The following ATP13A5 variants were observed in gnomAD, a reference collection of about 807,000 sequenced individuals.
The protein encoded by ATP13A5 is ATPase 13A5.
Under a neutral mutation model 150.2 loss-of-function variants are expected in ATP13A5, and 149 were observed. The observed-to-expected ratio is 0.99, with a 90% CI of 0.87 to 1.14. The LOEUF (loss-of-function observed/expected upper bound fraction) is 1.14. ATP13A5 is among the 50% of genes most tolerant of loss of function. ATP13A5 has a pLI of 0.00. For missense variants in ATP13A5, 1,383 were observed against 1,449.3 expected (o/e 0.95, Z 0.74); for synonymous variants, 497 against 522.2 (o/e 0.95, Z 0.66).
At position 193,362,466 on chromosome 3, in the gene ATP13A5, G is replaced by A. The variant is rs781456594; in HGVS notation, c.456-5C>T. On this transcript the variant is annotated splice_polypyrimidine_tract_variant and splice_region_variant and intron_variant, in intron 4 of 29. Transcript: ENST00000342358. The stretch of plus-strand genomic sequence containing the variant: ...GAATTGCTGTCTTCTAGCAACCTAG[G>A]ATGTATTCAGGATAGGAACCACACT... The A allele has an allele frequency of 6.2e-7, 1 of 1,614,026 alleles. No individual in the cohort carries two copies. The highest frequency in any genetic ancestry group is 8.5e-7 in the Non-Finnish European group (1 of 1,179,898).
At chr3:193,280,015 CTG>C (rs1434262293) in intron 27 of ATP13A5, among the ~76,000 whole-genome samples, 1 of 127,092 alleles carries the variant, frequency 7.9e-6, no homozygotes, top group Non-Finnish European at 1.6e-5. Context: ...CCCTGTGTAC[CTG>C]TGTACATAAT....
At position 193,364,270 on chromosome 3, in the gene ATP13A5, C is replaced by A; in HGVS notation, c.74G>T (p.Gly25Val). 6.2e-7 allele frequency: 1 copy of A among 1,613,016 alleles called. No homozygotes were observed. The highest frequency in any genetic ancestry group is 8.5e-7 in the Non-Finnish European group (1 of 1,179,504). ...TTTCCGTACATTGTGGTCCCGGTAA[C>A]CAAACACCTCCTGGAGAATAAATTT... ...QGEEDELEVF[G>V]YRDHNVRKAF... is the part of the protein sequence containing the mutation. The change falls in exon 2 of 30, where the codon GGT becomes GTT. Residue 25 changes from glycine (G) to valine (V), a missense_variant. Around this residue, in one of 3 missense-constraint regions of ATP13A5, gnomAD observed 787 missense variants for 771.9 expected, o/e 1.02. Coordinates refer to ENST00000342358, the MANE Select transcript of ATP13A5 (RefSeq NM_198505.4).
At position 193,344,997 on chromosome 3, in the gene ATP13A5, A is replaced by ACTTAC; in HGVS notation, c.814+1_814+5dup. The ACTTAC allele has an allele frequency of 1.2e-6, 2 of 1,612,060 alleles. No homozygotes were observed. Among genetic ancestry groups the ACTTAC allele is most frequent in the Non-Finnish European group, 1.7e-6 (2 of 1,178,250 alleles). ...GATGCTGAAGATGGCCTAACACATC[A>ACTTAC]CTTACCTTTGTCTTTTACAATGATT... On this transcript the variant is annotated splice_donor_region_variant and intron_variant, in intron 8 of 29. Transcript: ENST00000342358.
intron 27 of ATP13A5, among the ~76,000 whole-genome samples, chr3:193,282,271 T>A (rs576227571): frequency 2.0e-5 from 3 of 152,330 alleles, no homozygotes; most frequent in Admixed American, 2.0e-4. Context: ...TAAAAATTAT[T>A]CATGTATAAC....
intron 9 of ATP13A5, among the ~76,000 whole-genome samples, chr3:193,341,312 C>T (rs1712119369): frequency 6.6e-6 from 1 of 152,070 alleles, no homozygotes; most frequent in Admixed American, 6.6e-5. Context: ...TTTTTGAAGT[C>T]CTTCATGAGT....
chr3:193,275,066 T>C lies in ATP13A5; in HGVS notation c.3633A>G (p.Glu1211=), dbSNP rs201842085. 6.2e-7 allele frequency: 1 copy of C among 1,614,188 alleles called. No homozygotes were observed. The highest frequency in any genetic ancestry group is 1.3e-5 in the African/African-American group (1 of 75,040). ...ATTACAGCCTGGCCCAGAAATGCTG[T>C]TCTGTGGGTTGGCCTCCCAATTTGA... ...RKLKLGGQPT[E]QHFWARL is the part of the protein sequence containing the mutation. Residue 1211 remains glutamate (E), a synonymous_variant, in exon 30 of 30, where the codon GAA becomes GAG. Transcript: ENST00000342358.
At chr3:193,376,977 G>C (rs1366752569) in intron 1 of ATP13A5, among the ~76,000 whole-genome samples, 1 of 152,142 alleles carries the variant, frequency 6.6e-6, no homozygotes, top group Non-Finnish European at 1.5e-5. Flanking sequence ...ATTCCTAATA[G>C]ACATTTCTGG....
intron 7 of ATP13A5, 115 bp from the exon 8 acceptor site, chr3:193,345,190 G>C (rs1712289218): frequency 3.2e-6 from 3 of 949,378 alleles, no homozygotes; most frequent in Non-Finnish European, 5.0e-6. Context: ...TCTGGGCAAA[G>C]GACTCAACTT....
chr3:193,335,457 T>A (rs956532452), intron 9 of ATP13A5, among the ~76,000 whole-genome samples: 1 of 152,190 alleles, frequency 6.6e-6, no homozygotes, highest in African/African-American at 2.4e-5. Flanking sequence ...TGAATAGTAA[T>A]TACTATTTGC....
At position 193,299,078 on chromosome 3, in the gene ATP13A5, A is replaced by G. The variant is rs1184077968; in HGVS notation, c.2848+53T>C. 38 of 1,439,326 alleles carry G rather than the reference A, an allele frequency of 2.6e-5. No homozygotes were observed. The Admixed American group carries it at 7.7e-4, about 29-fold the overall frequency. 89.2% of individuals were successfully genotyped at this position (1,439,326 alleles called of 1,614,324 possible). On this transcript the variant is annotated intron_variant, in intron 25 of 29. Transcript: ENST00000342358. ...AGTTCCTTTTTGTGTGACTGTTTCT[A>G]GAATTTCATAGATAAATAAAAACAA...
At chr3:193,355,058 G>A (rs527733104) in intron 5 of ATP13A5, among the ~76,000 whole-genome samples, 156 of 151,484 alleles carry the variant, frequency 1.0e-3, no homozygotes, top group Non-Finnish European at 1.6e-3. Flanking sequence ...TCTGCCTCCC[G>A]AGTAGCTGGG....
At chr3:193,355,988 C>T (rs1438129408) in intron 5 of ATP13A5, among the ~76,000 whole-genome samples, 8 of 152,138 alleles carry the variant, frequency 5.3e-5, no homozygotes. Flanking sequence ...ACAGCTAAGA[C>T]CTTGTGCTTG....
In ATP13A5 at chr3:193,314,087, A is replaced by C; in HGVS notation, c.2265T>G (p.Pro755=). 5.6e-6 allele frequency: 9 copies of C among 1,613,928 alleles called. No homozygotes were observed. Among genetic ancestry groups the C allele is most frequent in the Non-Finnish European group, 6.8e-6 (8 of 1,179,884 alleles). ...CCACCAGCTGCCAGGTCACAGAGGCAGGAACAAATTCTTCTGGTTCATCGG... is the reference window on the plus strand; with the variant it reads ...CCACCAGCTGCCAGGTCACAGAGGCCGGAACAAATTCTTCTGGTTCATCGG... ...VEADEPEEFV[P]ASVTWQLVEN... The change falls in exon 19 of 30, where the codon CCT becomes CCG. Residue 755 remains proline (P), a synonymous_variant. Transcript: ENST00000342358.
At chr3:193,294,863 T>C (rs1229558495) in intron 25 of ATP13A5, among the ~76,000 whole-genome samples, 1 of 152,150 alleles carries the variant, frequency 6.6e-6, no homozygotes, top group Non-Finnish European at 1.5e-5. Context: ...TAGGCTACAA[T>C]TGAACAAAAT....
chr3:193,297,563 G>A (rs1193369938), intron 25 of ATP13A5, among the ~76,000 whole-genome samples: 3 of 152,010 alleles, frequency 2.0e-5, no homozygotes, highest in Non-Finnish European at 4.4e-5. Flanking sequence ...AGTCTGCTGA[G>A]TAATAATTAA....
chr3:193,298,586 C>A (rs114812793), intron 25 of ATP13A5, among the ~76,000 whole-genome samples: 3,101 of 152,222 alleles, frequency 0.02, 41 homozygotes, highest in Non-Finnish European at 0.033. Flanking sequence ...GAGGCAGTCA[C>A]CTTTATCACT....
At chr3:193,332,392 G>A (rs1711667394) in intron 11 of ATP13A5, among the ~76,000 whole-genome samples, 1 of 152,096 alleles carries the variant, frequency 6.6e-6, no homozygotes, top group Admixed American at 6.5e-5. Flanking sequence ...TAATACAGCA[G>A]GTCTCCAGAG....
chr3:193,361,122 A>G (rs1434592850), intron 5 of ATP13A5, among the ~76,000 whole-genome samples: 3 of 152,208 alleles, frequency 2.0e-5, no homozygotes, highest in Non-Finnish European at 4.4e-5. Context: ...ACATCTATCA[A>G]CTAGAATTCT....
chr3:193,350,760 C>T (rs76093454), intron 7 of ATP13A5, among the ~76,000 whole-genome samples: 1 of 152,144 alleles, frequency 6.6e-6, no homozygotes, highest in African/African-American at 2.4e-5. Context: ...CCTTCATTCT[C>T]CTAAAACTAT....
Sources: gnomAD v4.1 joint callset for allele counts (sites outside exome capture counted in the v4.1 genomes callset) on GRCh38, gnomAD v4.1.1 for gene constraint, gnomAD v4.1.1 regional missense constraint, MANE v1.5 for transcripts, NCBI Gene and HGNC (gene_info 2026-07-23, HGNC 2026-07-21) for gene names.